The following PCNX2 variants were observed in gnomAD, a reference collection of about 807,000 sequenced individuals.
PCNX2 encodes the protein pecanex-like protein 2.
In PCNX2, 168 loss-of-function variants were observed where a neutral mutation model predicts 223.8. The observed-to-expected ratio is 0.75, with a 90% CI of 0.66 to 0.85. PCNX2 has a LOEUF of 0.85. Ranked by LOEUF, PCNX2 falls within the 40% of genes least tolerant of loss-of-function variation. PCNX2 has a pLI of 0.00. For missense variants in PCNX2, 2,507 were observed against 2,675.5 expected (o/e 0.94, Z 1.39); for synonymous variants, 1,006 against 1,052.6 (o/e 0.96, Z 0.86).
chr1:233,287,935 T>A (rs953574848), intron 1 of PCNX2, among the ~76,000 whole-genome samples: 3 of 152,204 alleles, frequency 2.0e-5, no homozygotes, highest in African/African-American at 7.2e-5. Flanking sequence ...AGTGTCTGCC[T>A]CATATGTGCT....
chr1:233,171,304 T>A (rs180754120), intron 17 of PCNX2, among the ~76,000 whole-genome samples: 2,063 of 152,024 alleles, frequency 0.014, 27 homozygotes, highest in South Asian at 0.049. Context: ...TTTTTTTTTT[T>A]AAATCTTTTT....
chr1:233,241,948 G>A (rs1393048780), intron 8 of PCNX2, among the ~76,000 whole-genome samples: 1 of 152,056 alleles, frequency 6.6e-6, no homozygotes, highest in Non-Finnish European at 1.5e-5. Flanking sequence ...TTTTCTGCCT[G>A]CTTATCTTCT....
intron 25 of PCNX2, among the ~76,000 whole-genome samples, chr1:233,045,546 C>A (rs887318803): frequency 6.6e-6 from 1 of 152,180 alleles, no homozygotes; most frequent in Non-Finnish European, 1.5e-5. Context: ...AATTAATCTA[C>A]CCATTTTGTG....
intron 23 of PCNX2, among the ~76,000 whole-genome samples, chr1:233,085,873 AG>A (rs1408989045): frequency 6.6e-6 from 1 of 152,132 alleles, no homozygotes; most frequent in East Asian, 1.9e-4. Flanking sequence ...CACCTTTATA[AG>A]GGTCTCCAAA....
chr1:233,118,359 T>A (rs966998649), intron 21 of PCNX2, among the ~76,000 whole-genome samples: 7 of 152,104 alleles, frequency 4.6e-5, no homozygotes, highest in African/African-American at 1.2e-4. Flanking sequence ...TCTGACATAG[T>A]GCTGGAGGTG....
chr1:233,006,965 C>T lies in PCNX2; in HGVS notation c.4953-5284G>A, dbSNP rs3766488. ...CTTGGGTACTGCAGCAAGCTCTCTT[C>T]ATGTGTGCCTTATTCCTCTCTGTGG... On this transcript the variant is annotated intron_variant, in intron 28 of 33. Coordinates refer to ENST00000258229, the MANE Select transcript of PCNX2 (RefSeq NM_014801.4). 2.2e-4 allele frequency among the ~76,000 whole-genome samples: 33 copies of T among 152,106 alleles called. 1 individual carries two copies. In the East Asian group the frequency reaches 6.2e-3, roughly 29 times the overall value.
At chr1:233,277,009 T>A (rs1390154064) in intron 1 of PCNX2, among the ~76,000 whole-genome samples, 3 of 152,210 alleles carry the variant, frequency 2.0e-5, no homozygotes, top group African/African-American at 7.2e-5. Context: ...GGAACTGGTA[T>A]TGAACTTGAG....
At chr1:233,108,745 A>G (rs1377595751) in intron 21 of PCNX2, among the ~76,000 whole-genome samples, 1 of 152,200 alleles carries the variant, frequency 6.6e-6, no homozygotes, top group South Asian at 2.1e-4. Context: ...GGATTGTTTA[A>G]AAATGAGAAA....
chr1:233,017,538 G>A (rs532274755), intron 26 of PCNX2, among the ~76,000 whole-genome samples: 25 of 152,010 alleles, frequency 1.6e-4, no homozygotes, highest in Middle Eastern at 3.4e-3. Flanking sequence ...GGATGGTCTC[G>A]ATCTCCTGAC....
At chr1:233,144,959 T>A (rs1169737795) in intron 19 of PCNX2, among the ~76,000 whole-genome samples, 4 of 120,230 alleles carry the variant, frequency 3.3e-5, no homozygotes, top group Admixed American at 8.4e-5. Flanking sequence ...TTTTGTTTTT[T>A]TTTTTTGTTT....
At position 233,054,440 on chromosome 1, in the gene PCNX2, C is replaced by G; in HGVS notation, c.4179G>C (p.Leu1393Phe). 6.2e-7 allele frequency: 1 copy of G among 1,613,742 alleles called. No homozygotes were observed. The highest frequency in any genetic ancestry group is 8.5e-7 in the Non-Finnish European group (1 of 1,179,758). Reference protein sequence around the residue: ...NNLNSIFYEHLTRTLQESLCG... With the variant: ...NNLNSIFYEHFTRTLQESLCG... ...AGAGGGACTCCTGGAGGGTCCTTGT[C>G]AAGTGTTCATAAAAAATGGAATTGA... Residue 1393 changes from leucine to phenylalanine, a missense_variant, in exon 25 of 34, where the codon TTG (leucine) becomes TTC (phenylalanine). This residue lies in a region of PCNX2 where 1,372 missense variants were observed against 1,509.4 expected (regional missense o/e 0.91). Coordinates refer to ENST00000258229, the MANE Select transcript of PCNX2 (RefSeq NM_014801.4).
chr1:233,141,436 G>A lies in PCNX2; in HGVS notation c.3518-1581C>T, dbSNP rs1408826082. Among the ~76,000 whole-genome samples, 14 of 152,240 alleles carry A rather than the reference G, an allele frequency of 9.2e-5. No individual in the cohort carries two copies. The South Asian group carries it at 2.9e-3, about 31-fold the overall frequency. On this transcript the variant is annotated intron_variant, in intron 19 of 33. Coordinates refer to ENST00000258229, the MANE Select transcript of PCNX2 (RefSeq NM_014801.4). ...AATCCCAACACTTTGGGAGGCCAAG[G>A]TGGACAGATCACTTGAGGTCAGGAG...
chr1:233,225,348 GTA>G (rs759622917), intron 10 of PCNX2, among the ~76,000 whole-genome samples: 85 of 152,146 alleles, frequency 5.6e-4, no homozygotes, highest in Non-Finnish European at 1.0e-3. Flanking sequence ...ACCTCCCTGT[GTA>G]TAGATTATAC....
intron 12 of PCNX2, chr1:233,211,911 C>T (rs1312528703): frequency 1.4e-6 from 1 of 708,392 alleles, no homozygotes; most frequent in African/African-American, 1.9e-5. Context: ...GGGCTCCTAA[C>T]TTGCGGAAGG....
intron 25 of PCNX2, among the ~76,000 whole-genome samples, chr1:233,049,157 T>C: frequency 6.6e-6 from 1 of 152,134 alleles, no homozygotes; most frequent in Non-Finnish European, 1.5e-5. Context: ...ATCACCCTGA[T>C]ACCAAAATCT....
At chr1:233,168,461 T>C (rs867145500) in intron 17 of PCNX2, among the ~76,000 whole-genome samples, 1 of 152,104 alleles carries the variant, frequency 6.6e-6, no homozygotes, top group Non-Finnish European at 1.5e-5. Context: ...GTAAGCTATA[T>C]ATATATAATT....
At chr1:233,302,822 A>G in the PCNX2 span, among the ~76,000 whole-genome samples, 3 of 152,170 alleles carry the variant, frequency 2.0e-5, no homozygotes, top group African/African-American at 7.2e-5. Flanking sequence ...ATGTATAGAC[A>G]TATATGAGCA....
intron 26 of PCNX2, among the ~76,000 whole-genome samples, chr1:233,022,699 T>C (rs111331701): frequency 1.8e-3 from 114 of 64,482 alleles, no homozygotes; most frequent in African/African-American, 0.01. Context: ...TTCTTTCTTT[T>C]TTTTTTTTTT....
rs1465060722 is a variant in PCNX2, at chr1:233,001,545, G to A, written c.5089C>T (p.Leu1697Phe). The A allele has an allele frequency of 7.1e-7, 1 of 1,413,998 alleles. No homozygotes were observed. The highest frequency in any genetic ancestry group is 2.7e-5 in the East Asian group (1 of 37,646). 87.6% of individuals were successfully genotyped at this position (1,413,998 alleles called of 1,614,324 possible). A position where few individuals can be genotyped will look rare whatever the true frequency, so the allele number is the denominator to read the frequency against. The change falls in exon 29 of 34, where the codon CTT becomes TTT. Residue 1697 changes from leucine (L) to phenylalanine (F), a missense_variant. By Grantham distance (22) the Leu-to-Phe change is conservative. Transcript: ENST00000258229. This position sits in a 1 kb window ranked among gnomAD's most constrained non-coding sequence, Gnocchi z 4.2. ...VAPAIRMSLKLHQDQFTCPDE... is the reference protein window; with the variant it reads ...VAPAIRMSLKFHQDQFTCPDE... Reference sequence around the variant, plus strand: ...ATAAAATAGGTTTTTACCTGGTGAAGTTTCAGGGACATCCTGATAGCTGGA... The same window carrying A: ...ATAAAATAGGTTTTTACCTGGTGAAATTTCAGGGACATCCTGATAGCTGGA...
Sources: allele counts gnomAD v4.1 joint callset (sites outside exome capture counted in the v4.1 genomes callset), GRCh38; gene constraint gnomAD v4.1.1; regional missense constraint gnomAD v4.1.1; non-coding constraint Gnocchi (gnomAD v3.1); transcripts MANE v1.5; gene names NCBI Gene and HGNC (gene_info 2026-07-23, HGNC 2026-07-21).